The following NCOA1 variants were observed in gnomAD, a reference collection of about 807,000 sequenced individuals.
NCOA1 encodes the protein Hin-2 protein.
In NCOA1, 35 loss-of-function variants were observed where a neutral mutation model predicts 150.9. That is an observed-to-expected ratio of 0.23 (90% confidence interval 0.18 to 0.31). The LOEUF is 0.31. Among genes scored for constraint, NCOA1 ranks in the 10% least tolerant of loss-of-function variants. NCOA1 has a pLI of 1.00. For synonymous variants in NCOA1, 590 were observed against 630.0 expected, an observed-to-expected ratio of 0.94 and a Z score of 0.95; for missense variants, 1,491 against 1,749.3, an observed-to-expected ratio of 0.85 and a Z score of 2.63.
chr2:24,524,280 TTTAC>T (rs1335267482), intron 1 of NCOA1, among the ~76,000 whole-genome samples: 16 of 152,182 alleles, frequency 1.1e-4, no homozygotes, highest in African/African-American at 2.9e-4. Context: ...TACTTACTTT[TTTAC>T]TTACTTACTT....
chr2:24,646,677 G>T (rs2384038), intron 4 of NCOA1, among the ~76,000 whole-genome samples: 20 of 150,676 alleles, frequency 1.3e-4, no homozygotes, highest in Admixed American at 4.6e-4. Flanking sequence ...AGGGGATGGA[G>T]ATTCATGGAT....
chr2:24,711,110 T>G lies in NCOA1; in HGVS notation c.2598T>G (p.Asn866Lys). The change falls in exon 14 of 23, where the codon AAT becomes AAG. Residue 866 changes from asparagine (N) to lysine (K), a missense_variant and splice_region_variant. Asn to Lys is a moderately conservative substitution (Grantham distance 94). Around this residue, in one of 8 missense-constraint regions of NCOA1, gnomAD observed 703 missense variants for 717.7 expected, o/e 0.98. Coordinates refer to ENST00000348332, the MANE Select transcript of NCOA1 (RefSeq NM_003743.5). ...CTGCCAGACCCACTTCCAGGCTAAA[T>G]AGTATGTTCTGGGGACAACACCTCA... The part of the protein sequence containing the change: ...SATARPTSRL[N>K]RLPELELEAI... The G allele has an allele frequency of 1.2e-6, 2 of 1,612,460 alleles. No individual in the cohort carries two copies. Among genetic ancestry groups the G allele is most frequent in the Non-Finnish European group, 1.7e-6 (2 of 1,179,352 alleles).
At chr2:24,539,552 G>C (rs1298903919) in intron 1 of NCOA1, among the ~76,000 whole-genome samples, 1 of 152,174 alleles carries the variant, frequency 6.6e-6, no homozygotes, top group Non-Finnish European at 1.5e-5. Flanking sequence ...GCCATGAAGA[G>C]TTTTAAGCTG....
chr2:24,576,168 T>G (rs1666966240), intron 2 of NCOA1, among the ~76,000 whole-genome samples: 1 of 25,310 alleles, frequency 4.0e-5, no homozygotes, highest in African/African-American at 7.8e-5. Context: ...TTTTTGTTTT[T>G]TGTTTTTTTT....
chr2:24,629,796 CTG>C (rs2148428086), intron 3 of NCOA1, among the ~76,000 whole-genome samples: 1 of 131,288 alleles, frequency 7.6e-6, no homozygotes, highest in Non-Finnish European at 1.6e-5. Flanking sequence ...GTGCCAGACA[CTG>C]TTTTAAGTAA....
chr2:24,495,924 G>A (rs1248261888), intron 1 of NCOA1, among the ~76,000 whole-genome samples: 2 of 152,110 alleles, frequency 1.3e-5, no homozygotes, highest in African/African-American at 2.4e-5. Flanking sequence ...TGACTAACAG[G>A]TATTTCATTA....
intron 21 of NCOA1, among the ~76,000 whole-genome samples, chr2:24,762,401 G>A (rs1044762729): frequency 5.9e-5 from 9 of 152,160 alleles, no homozygotes; most frequent in Non-Finnish European, 1.2e-4. Context: ...AGAGAAAAGT[G>A]TACAACTCAA....
chr2:24,512,164 G>C (rs1663962077), intron 1 of NCOA1, among the ~76,000 whole-genome samples: 1 of 152,148 alleles, frequency 6.6e-6, no homozygotes, highest in Non-Finnish European at 1.5e-5. Flanking sequence ...CTGCATCTGT[G>C]ACAGAAGAGC....
chr2:24,591,209 C>G (rs1033011808), intron 3 of NCOA1, among the ~76,000 whole-genome samples: 1 of 152,078 alleles, frequency 6.6e-6, no homozygotes, highest in Non-Finnish European at 1.5e-5. Flanking sequence ...ATAATTTAAG[C>G]ACAAAGCCCA....
At chr2:24,587,264 C>T (rs1253743712) in intron 3 of NCOA1, among the ~76,000 whole-genome samples, 1 of 151,940 alleles carries the variant, frequency 6.6e-6, no homozygotes, top group Non-Finnish European at 1.5e-5. Flanking sequence ...ACCCTCAGGT[C>T]AAAGTGGTAG....
intron 14 of NCOA1, 92 bp from the exon 15 acceptor site, chr2:24,726,497 G>T: frequency 2.9e-6 from 2 of 678,422 alleles, no homozygotes; most frequent in Non-Finnish European, 2.5e-6. Context: ...TTTTAAAGGA[G>T]AAATCTCACT....
chr2:24,553,103 G>T (rs571974880), intron 1 of NCOA1, among the ~76,000 whole-genome samples: 1 of 152,268 alleles, frequency 6.6e-6, no homozygotes, highest in African/African-American at 2.4e-5. Context: ...AATCTTTTGT[G>T]ATTATGTATA....
At chr2:24,627,676 A>G (rs1036479036) in intron 3 of NCOA1, among the ~76,000 whole-genome samples, 2 of 152,230 alleles carry the variant, frequency 1.3e-5, no homozygotes, top group African/African-American at 2.4e-5. Flanking sequence ...GTATCCTGCC[A>G]TAATGTTTTG....
intron 19 of NCOA1, among the ~76,000 whole-genome samples, chr2:24,750,432 CCTTA>C (rs1664158612): frequency 6.6e-6 from 1 of 152,018 alleles, no homozygotes; most frequent in Non-Finnish European, 1.5e-5. Context: ...AGAAGTAAAC[CCTTA>C]CTTTTATGGT....
At position 24,656,399 on chromosome 2, in the gene NCOA1, T is replaced by A. The variant is rs562642210; in HGVS notation, c.-17-2262T>A. Among the ~76,000 whole-genome samples the A allele has an allele frequency of 4.6e-5, 7 of 152,358 alleles. No individual in the cohort carries two copies. In the East Asian group the frequency reaches 1.3e-3, roughly 29 times the overall value. On this transcript the variant is annotated intron_variant, in intron 4 of 22. Transcript: ENST00000348332. The stretch of plus-strand genomic sequence containing the variant: ...GGGTACAGTGTGATACTTTGATACA[T>A]GTGTACAATGTGTGTGATCAAATCA...
At chr2:24,659,245 A>G (rs934498477) in intron 5 of NCOA1, 3 of 156,534 alleles carry the variant, frequency 1.9e-5, no homozygotes, top group African/African-American at 4.8e-5. Context: ...GCTTATATAT[A>G]GTAAGAACAC....
At chr2:24,660,839 C>T (rs1474787871) in intron 5 of NCOA1, among the ~76,000 whole-genome samples, 1 of 151,802 alleles carries the variant, frequency 6.6e-6, no homozygotes, top group Non-Finnish European at 1.5e-5. Flanking sequence ...GCAGGTGGAT[C>T]ACCTGAGGTC....
chr2:24,523,422 C>A (rs967437524), intron 1 of NCOA1, among the ~76,000 whole-genome samples: 32 of 146,180 alleles, frequency 2.2e-4, no homozygotes, highest in African/African-American at 7.6e-4. Flanking sequence ...CTGGCTAACA[C>A]GGTGAAACCC....
At position 24,621,432 on chromosome 2, in the gene NCOA1, A is replaced by ATTTTTTTTTT. The variant is rs1162282258; in HGVS notation, c.-174-22510_-174-22501dup. 1.0e-3 allele frequency among the ~76,000 whole-genome samples: 39 copies of ATTTTTTTTTT among 38,890 alleles called. 11 individuals carry two copies. The highest frequency in any genetic ancestry group is 1.9e-3 in the East Asian group (2 of 1,070). The allele number at this position is 38,890 out of a possible 152,430, so 25.5% of individuals were successfully genotyped here. A position where few individuals can be genotyped will look rare whatever the true frequency, so the allele number is the denominator to read the frequency against. ...TTGTGTTATGTGTGTATTCAGGCAG[A>ATTTTTTTTTT]TTTTTTTTTTTTTTTTTTTTTTTTT... On this transcript the variant is annotated intron_variant, in intron 3 of 22. Coordinates refer to ENST00000348332, the MANE Select transcript of NCOA1 (RefSeq NM_003743.5).
Sources: allele counts gnomAD v4.1 joint callset (sites outside exome capture counted in the v4.1 genomes callset), GRCh38; gene constraint gnomAD v4.1.1; regional missense constraint gnomAD v4.1.1; transcripts MANE v1.5; gene names NCBI Gene and HGNC (gene_info 2026-07-23, HGNC 2026-07-21).